The following WNT2 variants were observed in gnomAD, a reference collection of about 807,000 sequenced individuals.
WNT2 encodes Wnt family member 2.
Under a neutral mutation model 36.9 loss-of-function variants are expected in WNT2, and 12 were observed. The observed-to-expected ratio is 0.33, with a 90% CI of 0.21 to 0.53. WNT2 has a LOEUF of 0.53. Ranked by LOEUF, WNT2 falls within the 20% of genes least tolerant of loss-of-function variation. WNT2 has a pLI of 0.95. For missense variants in WNT2, 379 were observed against 473.1 expected, an observed-to-expected ratio of 0.80 and a Z score of 1.84; for synonymous variants, 163 against 174.6, an observed-to-expected ratio of 0.93 and a Z score of 0.52.
At position 117,322,815 on chromosome 7, in the gene WNT2, C is replaced by T; in HGVS notation, c.83+92G>A. 7.5e-7 allele frequency: 1 copy of T among 1,337,230 alleles called. No homozygotes were observed. Among genetic ancestry groups the T allele is most frequent in the Non-Finnish European group, 1.1e-6 (1 of 940,954 alleles). 82.8% of individuals were successfully genotyped at this position (1,337,230 alleles called of 1,614,324 possible). On this transcript the variant is annotated intron_variant, in intron 1 of 4. Transcript: ENST00000265441. The surrounding 1 kb of genome is among the most constrained non-coding windows in gnomAD (Gnocchi z 5.4). ...GGCCAGAATCCGAGACTGCTGCGGCCGCGGGGGAACGCAGCCAGGAAGGGT... is the reference window on the plus strand; with the variant it reads ...GGCCAGAATCCGAGACTGCTGCGGCTGCGGGGGAACGCAGCCAGGAAGGGT...
In WNT2 at chr7:117,322,974, C is replaced by T. The variant is rs769047659; in HGVS notation, c.16G>A (p.Gly6Ser). 10 of 1,612,850 alleles carry T rather than the reference C, an allele frequency of 6.2e-6. No individual in the cohort carries two copies. The highest frequency in any genetic ancestry group is 8.5e-6 in the Non-Finnish European group (10 of 1,179,658). ...AGAGGGAGCCAGAGCCAGATTCCAC[C>T]GAGAGGGGCGTTCATATTAACCCCC... MNAPL[G>S]GIWLWLPLLL... Residue 6 changes from glycine (G) to serine (S), a missense_variant, in exon 1 of 5, where the codon GGT (glycine) becomes AGT (serine). Coordinates refer to ENST00000265441, the MANE Select transcript of WNT2 (RefSeq NM_003391.3). The surrounding 1 kb of genome is among the most constrained non-coding windows in gnomAD (Gnocchi z 5.4).
chr7:117,291,454 A>G (rs1472346223), intron 4 of WNT2, among the ~76,000 whole-genome samples: 2 of 152,182 alleles, frequency 1.3e-5, no homozygotes, highest in East Asian at 1.9e-4. Flanking sequence ...TCAGTTAGAG[A>G]TGAACCTATC....
At position 117,322,472 on chromosome 7, in the gene WNT2, T is replaced by G. The variant is rs1309801443; in HGVS notation, c.83+435A>C. On this transcript the variant is annotated intron_variant, in intron 1 of 4. Transcript: ENST00000265441. The surrounding 1 kb of genome is among the most constrained non-coding windows in gnomAD (Gnocchi z 5.4). ...GCTGAATTGGCCCGTCGATTTACCT[T>G]GAGGCAGTTTTGGCGGGGTGGGGGC... 7.0e-6 allele frequency among the ~76,000 whole-genome samples: 1 copy of G among 142,798 alleles called. No homozygotes were observed. Among genetic ancestry groups the G allele is most frequent in the Non-Finnish European group, 1.5e-5 (1 of 66,200 alleles). 93.7% of individuals were successfully genotyped at this position (142,798 alleles called of 152,430 possible).
chr7:117,294,978 C>T (rs1794761295), intron 4 of WNT2, among the ~76,000 whole-genome samples: 1 of 152,168 alleles, frequency 6.6e-6, no homozygotes. Context: ...GTAATCACAG[C>T]TACTTGGGAG....
At chr7:117,291,250 T>C (rs1408077594) in intron 4 of WNT2, among the ~76,000 whole-genome samples, 1 of 152,216 alleles carries the variant, frequency 6.6e-6, no homozygotes, top group Non-Finnish European at 1.5e-5. Flanking sequence ...GGCAACAAAT[T>C]AAACAATGAC....
chr7:117,286,839 G>A (rs1584677101), intron 4 of WNT2, among the ~76,000 whole-genome samples: 1 of 152,158 alleles, frequency 6.6e-6, no homozygotes, highest in Admixed American at 6.5e-5. Flanking sequence ...AGTTTGACTG[G>A]CACAGGAAAG....
At chr7:117,315,452 C>A in intron 2 of WNT2, 104 bp from the exon 3 acceptor site, 1 of 1,218,250 alleles carries the variant, frequency 8.2e-7, no homozygotes, top group Non-Finnish European at 1.1e-6. Flanking sequence ...ACAACCTTTG[C>A]CACTAGACAA....
In WNT2 at chr7:117,297,558, G is replaced by C. The variant is rs75016354; in HGVS notation, c.853+54C>G. ...AATACAGAACCTCATTTAAATTGTG[G>C]AGTATCAATTGTTGAAAGAATTAGG... On this transcript the variant is annotated intron_variant, in intron 4 of 4. Coordinates refer to ENST00000265441, the MANE Select transcript of WNT2 (RefSeq NM_003391.3). The C allele has an allele frequency of 9.0e-4, 1,390 of 1,552,848 alleles. 17 individuals carry two copies. In the African/African-American group the frequency reaches 0.017, roughly 19 times the overall value.
Position 117,320,802 on chromosome 7 carries a change from G to T in WNT2, c.84-9C>A. ...CTGTAGCTCTCATGTACCTATAAGG[G>T]ACCAACCAACACAGAGGTGAGGGCA... On this transcript the variant is annotated splice_polypyrimidine_tract_variant and intron_variant, in intron 1 of 4. Transcript: ENST00000265441. 1 of 1,602,888 alleles carries T rather than the reference G, an allele frequency of 6.2e-7. No homozygotes were observed. The highest frequency in any genetic ancestry group is 1.1e-5 in the South Asian group (1 of 89,440).
rs1237726649 is a variant in WNT2 at position 117,322,302 on chromosome 7, C to T, written c.83+605G>A. 1 of 153,050 alleles carries T rather than the reference C, an allele frequency of 6.5e-6. No homozygotes were observed. The highest frequency in any genetic ancestry group is 1.5e-5 in the Non-Finnish European group (1 of 68,682). The allele number at this position is 153,050 out of a possible 1,614,324, so 9.5% of individuals were successfully genotyped here. A position where few individuals can be genotyped will look rare whatever the true frequency, so the allele number is the denominator to read the frequency against. On this transcript the variant is annotated intron_variant, in intron 1 of 4. Coordinates refer to ENST00000265441, the MANE Select transcript of WNT2 (RefSeq NM_003391.3). The surrounding 1 kb of genome is among the most constrained non-coding windows in gnomAD (Gnocchi z 5.4). ...CAAGGTAACATCTTAGAGACAGACC[C>T]CGGGGTCTGTAGCTTTGCATTAAAG...
rs1794815775 is a variant in WNT2 at position 117,297,527 on chromosome 7, G to T, written c.853+85C>A. 2.7e-6 allele frequency: 4 copies of T among 1,481,224 alleles called. No individual in the cohort carries two copies. The African/African-American group carries it at 4.2e-5, about 16-fold the overall frequency. The allele number at this position is 1,481,224 out of a possible 1,614,324, so 91.8% of individuals were successfully genotyped here. A position where few individuals can be genotyped will look rare whatever the true frequency, so the allele number is the denominator to read the frequency against. On this transcript the variant is annotated intron_variant, in intron 4 of 4. Coordinates refer to ENST00000265441, the MANE Select transcript of WNT2 (RefSeq NM_003391.3). The stretch of plus-strand genomic sequence containing the variant: ...TGAGCTTTGAACCTAAAGAGAGCAG[G>T]CTGAAAATACAGAACCTCATTTAAA...
At chr7:117,312,711 T>C (rs1795143789) in intron 3 of WNT2, among the ~76,000 whole-genome samples, 1 of 152,202 alleles carries the variant, frequency 6.6e-6, no homozygotes, top group African/African-American at 2.4e-5. Flanking sequence ...GAAATCATTA[T>C]GAATTCTGCT....
At chr7:117,280,652 C>T (rs1794465183) in intron 4 of WNT2, among the ~76,000 whole-genome samples, 1 of 152,150 alleles carries the variant, frequency 6.6e-6, no homozygotes, top group Non-Finnish European at 1.5e-5. Context: ...CCAGATTTGC[C>T]ATGTATCAAC....
Position 117,322,582 on chromosome 7 carries a change from A to G in WNT2, c.83+325T>C, listed in dbSNP as rs1210542149. On this transcript the variant is annotated intron_variant, in intron 1 of 4. Transcript: ENST00000265441. The surrounding 1 kb of genome is among the most constrained non-coding windows in gnomAD (Gnocchi z 5.4). ...ACACACACACACACACGTCTGTGCTAGAGCTGGAGACCAGGCTAGCACGTC... is the reference window on the plus strand; with the variant it reads ...ACACACACACACACACGTCTGTGCTGGAGCTGGAGACCAGGCTAGCACGTC... Among the ~76,000 whole-genome samples the G allele has an allele frequency of 7.3e-6, 1 of 137,774 alleles. No individual in the cohort carries two copies. The allele number at this position is 137,774 out of a possible 152,430, so 90.4% of individuals were successfully genotyped here.
In WNT2 at chr7:117,294,705, C is replaced by T. The variant is rs2896219; in HGVS notation, c.853+2907G>A. Among the ~76,000 whole-genome samples the T allele has an allele frequency of 6.9e-3, 1,042 of 151,932 alleles. 12 individuals are homozygous for T. The highest frequency in any genetic ancestry group is 0.024 in the African/African-American group (981 of 41,430). ...GCTAAAATTTGTCTAAGACAGAAGA[C>T]AGATAAGAGAGAAAGTAAGTTATAT... On this transcript the variant is annotated intron_variant, in intron 4 of 4. Transcript: ENST00000265441.
chr7:117,313,185 T>C (rs1795153828), intron 3 of WNT2, among the ~76,000 whole-genome samples: 1 of 151,830 alleles, frequency 6.6e-6, no homozygotes, highest in South Asian at 2.1e-4. Flanking sequence ...AAAGGGGGAG[T>C]AGAGACTGGG....
intron 3 of WNT2, among the ~76,000 whole-genome samples, chr7:117,309,028 A>T (rs1292545176): frequency 7.9e-6 from 1 of 126,002 alleles, no homozygotes; most frequent in African/African-American, 2.7e-5. Context: ...TATGAAACAT[A>T]AAAAAAAAAA....
Position 117,313,821 on chromosome 7 carries a change from A to T in WNT2, c.588+1250T>A, listed in dbSNP as rs1346968930. The stretch of plus-strand genomic sequence containing the variant: ...ATAGTCTATTTTCTTGGCAGTAGTG[A>T]CTGTAAGTTCATAAATTCATGAAAA... On this transcript the variant is annotated intron_variant, in intron 3 of 4. Transcript: ENST00000265441. Among the ~76,000 whole-genome samples, 5 of 152,220 alleles carry T rather than the reference A, an allele frequency of 3.3e-5. No individual in the cohort carries two copies. In the East Asian group the frequency reaches 9.6e-4, roughly 29 times the overall value.
At chr7:117,306,955 AT>A (rs1247910984) in intron 3 of WNT2, among the ~76,000 whole-genome samples, 4 of 152,148 alleles carry the variant, frequency 2.6e-5, no homozygotes, top group Non-Finnish European at 5.9e-5. Flanking sequence ...ATCTTAGCAG[AT>A]TTTTTTATGT....
Sources: gnomAD v4.1 joint callset for allele counts (sites outside exome capture counted in the v4.1 genomes callset) on GRCh38, gnomAD v4.1.1 for gene constraint, Gnocchi (gnomAD v3.1) non-coding constraint, MANE v1.5 for transcripts, NCBI Gene and HGNC (gene_info 2026-07-23, HGNC 2026-07-21) for gene names.